Variants in PLEKHA7 observed in about 807,000 individuals in gnomAD.
The protein encoded by PLEKHA7 is pleckstrin homology domain containing A7, also known as pleckstrin homology domain-containing family A member 7.
PLEKHA7 carries 104 observed loss-of-function variants against 170.0 expected under a neutral mutation model. That is an observed-to-expected ratio of 0.61 (90% CI 0.52 to 0.72). The LOEUF (loss-of-function observed/expected upper bound fraction) is 0.72. PLEKHA7 is among the 30% of genes least tolerant of loss of function. The pLI is 0.00. For synonymous variants in PLEKHA7, 648 were observed against 660.8 expected, an observed-to-expected ratio of 0.98 and a Z score of 0.30; for missense variants, 1,615 against 1,671.7, an observed-to-expected ratio of 0.97 and a Z score of 0.59.
chr11:16,845,986 T>C lies in PLEKHA7; in HGVS notation c.697-4264A>G, dbSNP rs1298421301. On this transcript the variant is annotated intron_variant, in intron 8 of 26. Transcript: ENST00000531066. The stretch of plus-strand genomic sequence containing the variant: ...TTGCAGAGGTAGTGGCGACCATTTA[T>C]TGAGATTAAGAAAAGAGGCCGGGTG... Among the ~76,000 whole-genome samples, 4 of 152,122 alleles carry C rather than the reference T, an allele frequency of 2.6e-5. 1 individual carries two copies. Among genetic ancestry groups the C allele is most frequent in the South Asian group, 4.2e-4 (2 of 4,818 alleles).
At chr11:16,810,614 T>C (rs1248124967) in intron 13 of PLEKHA7, among the ~76,000 whole-genome samples, 2 of 152,210 alleles carry the variant, frequency 1.3e-5, no homozygotes, top group South Asian at 2.1e-4. Context: ...TGACAAACAA[T>C]GACAACTTCC....
intron 3 of PLEKHA7, among the ~76,000 whole-genome samples, chr11:16,952,754 A>G (rs1278835328): frequency 6.6e-6 from 1 of 152,154 alleles, no homozygotes; most frequent in Non-Finnish European, 1.5e-5. Context: ...TTCAATGGAC[A>G]TTTCCTTTGA....
chr11:16,850,908 A>G (rs1337675335), intron 8 of PLEKHA7, among the ~76,000 whole-genome samples: 1 of 152,198 alleles, frequency 6.6e-6, no homozygotes, highest in Non-Finnish European at 1.5e-5. Flanking sequence ...CGGTGATAAG[A>G]CAGCTCAAGA....
chr11:16,969,441 T>C (rs1305373234), intron 3 of PLEKHA7, among the ~76,000 whole-genome samples: 2 of 152,142 alleles, frequency 1.3e-5, no homozygotes, highest in East Asian at 1.9e-4. Flanking sequence ...TTAGGTTGAA[T>C]TGATTCAAGT....
At chr11:16,822,011 A>G (rs1850256830) in intron 10 of PLEKHA7, among the ~76,000 whole-genome samples, 2 of 150,232 alleles carry the variant, frequency 1.3e-5, no homozygotes, top group South Asian at 2.1e-4. Flanking sequence ...CCCATCTTGC[A>G]TCCCAGGGAA....
intron 3 of PLEKHA7, among the ~76,000 whole-genome samples, chr11:16,959,235 C>A (rs562115929): frequency 8.3e-6 from 1 of 119,896 alleles, no homozygotes; most frequent in Non-Finnish European, 1.6e-5. Flanking sequence ...CTCTCTCCCC[C>A]TCAGGTAGAC....
chr11:16,960,828 C>T (rs944075619), intron 3 of PLEKHA7, among the ~76,000 whole-genome samples: 3 of 152,132 alleles, frequency 2.0e-5, no homozygotes, highest in African/African-American at 7.2e-5. Flanking sequence ...CCTACCTTCA[C>T]CCCTAACAGA....
chr11:16,866,507 G>A (rs533684346), intron 4 of PLEKHA7, among the ~76,000 whole-genome samples: 4 of 152,008 alleles, frequency 2.6e-5, no homozygotes, highest in Admixed American at 2.6e-4. Context: ...CAGAAGAATC[G>A]CTTGAACCCG....
chr11:16,830,059 G>A (rs1352848833), intron 9 of PLEKHA7, among the ~76,000 whole-genome samples: 1 of 151,940 alleles, frequency 6.6e-6, no homozygotes, highest in Admixed American at 6.6e-5. Flanking sequence ...GCTCACCGCA[G>A]CCTCAACCTC....
At position 16,875,157 on chromosome 11, in the gene PLEKHA7, T is replaced by C. The variant is rs1383966128; in HGVS notation, c.222-3975A>G. Among the ~76,000 whole-genome samples, 3 of 152,212 alleles carry C rather than the reference T, an allele frequency of 2.0e-5. No homozygotes were observed. The East Asian group carries it at 5.8e-4, about 29-fold the overall frequency. ...CCTTCTTTGCCAAAAGAGTTGTCAG[T>C]CACAGCATCATCACCACCACCAACT... is the stretch of plus-strand genomic sequence containing the variant. On this transcript the variant is annotated intron_variant, in intron 3 of 26. Transcript: ENST00000531066.
At chr11:16,847,314 G>C (rs937117452) in intron 8 of PLEKHA7, among the ~76,000 whole-genome samples, 6 of 151,716 alleles carry the variant, frequency 4.0e-5, no homozygotes, top group Non-Finnish European at 5.9e-5. Context: ...GGATGGTCTC[G>C]ATCTCCTGAC....
At chr11:16,909,375 C>T (rs1565103851) in intron 3 of PLEKHA7, among the ~76,000 whole-genome samples, 2 of 152,170 alleles carry the variant, frequency 1.3e-5, no homozygotes, top group Non-Finnish European at 2.9e-5. Context: ...TCAGTGACAA[C>T]CACATCTTGT....
At chr11:16,838,156 A>G (rs568016360) in intron 9 of PLEKHA7, among the ~76,000 whole-genome samples, 1 of 152,320 alleles carries the variant, frequency 6.6e-6, no homozygotes, top group Non-Finnish European at 1.5e-5. Flanking sequence ...AAAGGCAAAC[A>G]ACTCAGTAGA....
chr11:16,886,904 G>A (rs1412909360), intron 3 of PLEKHA7, among the ~76,000 whole-genome samples: 1 of 151,986 alleles, frequency 6.6e-6, no homozygotes, highest in Non-Finnish European at 1.5e-5. Flanking sequence ...AGGGATTAGG[G>A]GCGTTAAGGG....
chr11:16,989,594 T>C (rs531379576), intron 3 of PLEKHA7, among the ~76,000 whole-genome samples: 1 of 152,328 alleles, frequency 6.6e-6, no homozygotes, highest in Admixed American at 6.5e-5. Flanking sequence ...CAGTCCCCAC[T>C]ACACTGCATG....
intron 3 of PLEKHA7, among the ~76,000 whole-genome samples, chr11:16,982,111 C>A (rs558789731): frequency 6.6e-6 from 1 of 152,334 alleles, no homozygotes; most frequent in South Asian, 2.1e-4. Context: ...AACAAGTCTC[C>A]CCCAGGAAGC....
chr11:16,816,913 G>A lies in PLEKHA7; in HGVS notation c.1753C>T (p.Arg585Trp), dbSNP rs200631936. 147 of 1,613,908 alleles carry A rather than the reference G, an allele frequency of 9.1e-5. No individual in the cohort carries two copies. The highest frequency in any genetic ancestry group is 2.8e-4 in the Admixed American group (17 of 59,990). Residue 585 changes from arginine (R) to tryptophan (W), a missense_variant, in exon 11 of 27, where the codon CGG becomes TGG. Arg to Trp is a moderately radical substitution (Grantham distance 101). Transcript: ENST00000531066. ...CGCTCTGCTGGTGTGTGTGGCCGCC[G>A]GGGTGGGAAGACCCTTGGGGGTCCT... ...PPGPPRVFPPRRPHTPAERVT... is the reference protein window; with the variant it reads ...PPGPPRVFPPWRPHTPAERVT...
chr11:16,993,546 C>T (rs367590476), intron 3 of PLEKHA7, among the ~76,000 whole-genome samples: 2 of 152,126 alleles, frequency 1.3e-5, no homozygotes, highest in South Asian at 2.1e-4. Flanking sequence ...ATGGTGGTTA[C>T]GTGAGTATAG....
In PLEKHA7 at chr11:16,791,423, C is replaced by T; in HGVS notation, c.2746-224G>A. ...TCAGAGGTATACAGTTTCTATTCCT[C>T]CAAGTGTTACCTGTATAACTGTGTC... On this transcript the variant is annotated intron_variant, in intron 19 of 26. Coordinates refer to ENST00000531066, the MANE Select transcript of PLEKHA7 (RefSeq NM_001329630.2). This position sits in a 1 kb window ranked among gnomAD's most constrained non-coding sequence, Gnocchi z 4.5. 1.6e-6 allele frequency: 1 copy of T among 617,844 alleles called. No individual in the cohort carries two copies. The highest frequency in any genetic ancestry group is 2.9e-6 in the Non-Finnish European group (1 of 343,662). The allele number at this position is 617,844 out of a possible 1,614,324, so 38.3% of individuals were successfully genotyped here. A position where few individuals can be genotyped will look rare whatever the true frequency, so the allele number is the denominator to read the frequency against.
Sources: allele counts gnomAD v4.1 joint callset (sites outside exome capture counted in the v4.1 genomes callset), GRCh38; gene constraint gnomAD v4.1.1; non-coding constraint Gnocchi (gnomAD v3.1); transcripts MANE v1.5; gene names NCBI Gene and HGNC (gene_info 2026-07-23, HGNC 2026-07-21).